The following LAMA4 variants were observed in gnomAD, a reference collection of about 807,000 sequenced individuals.
LAMA4 encodes the protein laminin subunit alpha-4.
LAMA4 carries 127 observed loss-of-function variants against 207.1 expected under a neutral mutation model. The observed-to-expected ratio is 0.61, with a 90% CI of 0.53 to 0.71. The LOEUF (loss-of-function observed/expected upper bound fraction) is 0.71. Among genes scored for constraint, LAMA4 ranks in the 30% least tolerant of loss-of-function variants. The pLI is 0.00. For synonymous variants in LAMA4, 761 were observed against 816.0 expected (o/e 0.93, Z 1.15); for missense variants, 2,093 against 2,246.5 (o/e 0.93, Z 1.38).
intron 4 of LAMA4, among the ~76,000 whole-genome samples, chr6:112,204,869 C>T (rs1039352074): frequency 1.3e-5 from 2 of 152,166 alleles, no homozygotes; most frequent in Admixed American, 1.3e-4. Flanking sequence ...GGCAGTTTAA[C>T]AGTTTCTGAA....
At position 112,109,371 on chromosome 6, in the gene LAMA4, G is replaced by A. The variant is rs1296037770; in HGVS notation, c.*66C>T. ...CGAAGGAAGAGTTACTGTTCCTCCT[G>A]GCTGGCTTTGTGTTTCTTTCAGTGC... is the stretch of plus-strand genomic sequence containing the variant. On this transcript the variant is annotated 3_prime_UTR_variant, in exon 39 of 39. Coordinates refer to ENST00000230538, the MANE Select transcript of LAMA4 (RefSeq NM_001105206.3). 6.3e-7 allele frequency: 1 copy of A among 1,577,430 alleles called. No homozygotes were observed. Among genetic ancestry groups the A allele is most frequent in the African/African-American group, 1.3e-5 (1 of 74,136 alleles).
chr6:112,190,976 CTTT>C (rs1783079524), intron 6 of LAMA4, among the ~76,000 whole-genome samples: 1 of 129,922 alleles, frequency 7.7e-6, no homozygotes, highest in East Asian at 2.2e-4. Flanking sequence ...TTCTTTCTTT[CTTT>C]CTTTCTTTCC....
intron 11 of LAMA4, among the ~76,000 whole-genome samples, chr6:112,174,078 C>A (rs2114874174): frequency 6.6e-6 from 1 of 152,310 alleles, no homozygotes; most frequent in South Asian, 2.1e-4. Flanking sequence ...ATATAATATG[C>A]AAATCTGTGA....
chr6:112,189,713 C>T (rs553199101), intron 6 of LAMA4, among the ~76,000 whole-genome samples: 63 of 152,284 alleles, frequency 4.1e-4, no homozygotes, highest in African/African-American at 1.2e-3. Flanking sequence ...GCGCTTGACC[C>T]TTGGCAAGAC....
intron 9 of LAMA4, among the ~76,000 whole-genome samples, chr6:112,183,340 G>C (rs782463798): frequency 6.6e-6 from 1 of 152,104 alleles, no homozygotes; most frequent in Non-Finnish European, 1.5e-5. Context: ...GTTTCAGCAG[G>C]TTTTTGCACC....
chr6:112,240,107 C>T (rs187682283), intron 2 of LAMA4, among the ~76,000 whole-genome samples: 116 of 152,200 alleles, frequency 7.6e-4, no homozygotes, highest in African/African-American at 2.6e-3. Flanking sequence ...TGTTAAATTT[C>T]CTTTCTTTTT....
In LAMA4 at chr6:112,134,624, A is replaced by G. The variant is rs372969359; in HGVS notation, c.3415-15T>C. 8.2e-6 allele frequency: 13 copies of G among 1,588,330 alleles called. No homozygotes were observed. The African/African-American group carries it at 1.2e-4, about 15-fold the overall frequency. On this transcript the variant is annotated splice_polypyrimidine_tract_variant and intron_variant, in intron 25 of 38. Coordinates refer to ENST00000230538, the MANE Select transcript of LAMA4 (RefSeq NM_001105206.3). ...ATGATTGAGATCTGGGAGAGATAATATATAGTAAGCCTTGATTAACTATTT... is the reference window on the plus strand; with the variant it reads ...ATGATTGAGATCTGGGAGAGATAATGTATAGTAAGCCTTGATTAACTATTT...
At chr6:112,123,452 T>C (rs1778493705) in intron 31 of LAMA4, among the ~76,000 whole-genome samples, 1 of 150,998 alleles carries the variant, frequency 6.6e-6, no homozygotes. Flanking sequence ...TCTAGGAGGG[T>C]TTTTACTGGC....
chr6:112,119,501 A>G (rs1334342365), intron 33 of LAMA4, among the ~76,000 whole-genome samples, 190 bp from the exon 34 acceptor site: 2 of 152,164 alleles, frequency 1.3e-5, no homozygotes, highest in African/African-American at 4.8e-5. Flanking sequence ...CTGGCAATGC[A>G]GTTTTTGGAA....
chr6:112,233,860 AG>A (rs1486069047), intron 2 of LAMA4, among the ~76,000 whole-genome samples: 2 of 152,208 alleles, frequency 1.3e-5, no homozygotes, highest in Non-Finnish European at 2.9e-5. Context: ...TTTCTTTGGA[AG>A]GATTAGTTTA....
intron 23 of LAMA4, among the ~76,000 whole-genome samples, chr6:112,139,494 C>A (rs1158625272): frequency 6.6e-6 from 1 of 152,128 alleles, no homozygotes; most frequent in African/African-American, 2.4e-5. Flanking sequence ...TGTGCTAAGA[C>A]AACTGAAGTC....
In LAMA4 at chr6:112,200,496, C is replaced by T. The variant is rs540619410; in HGVS notation, c.503+1112G>A. Among the ~76,000 whole-genome samples, 11 of 152,230 alleles carry T rather than the reference C, an allele frequency of 7.2e-5. No individual in the cohort carries two copies. The South Asian group carries it at 2.3e-3, about 32-fold the overall frequency. On this transcript the variant is annotated intron_variant, in intron 5 of 38. Transcript: ENST00000230538. The stretch of plus-strand genomic sequence containing the variant: ...TGGTGATTCCTCAAGGATCTAGAAC[C>T]AGAATTACCATTTGACCCAGCAATC...
chr6:112,188,166 C>G (rs1275937930), intron 7 of LAMA4, among the ~76,000 whole-genome samples: 1 of 152,178 alleles, frequency 6.6e-6, no homozygotes, highest in Non-Finnish European at 1.5e-5. Flanking sequence ...GTGCCTGTTC[C>G]CGATCTCTTT....
intron 17 of LAMA4, 74 bp from the exon 18 acceptor site, chr6:112,148,410 A>C: frequency 6.7e-7 from 1 of 1,497,712 alleles, no homozygotes; most frequent in Non-Finnish European, 9.3e-7. Flanking sequence ...ACACCCCTTT[A>C]ACCCTTGAAT....
chr6:112,140,789 A>G lies in LAMA4; in HGVS notation c.2947T>C (p.Tyr983His). The change falls in exon 22 of 39, where the codon TAT becomes CAT. Residue 983 changes from tyrosine to histidine, a missense_variant. Physicochemically the swap from Tyr to His is moderately conservative, Grantham distance 83. Transcript: ENST00000230538. Reference sequence around the variant, plus strand: ...AAGTTGGAAGGCACTCCACCAACATAAAACACTGTGTCCTCAGGGTCCAGG... The same window carrying G: ...AAGTTGGAAGGCACTCCACCAACATGAAACACTGTGTCCTCAGGGTCCAGG... ...LDLDPEDTVF[Y>H]VGGVPSNFKL... 6.2e-7 allele frequency: 1 copy of G among 1,614,070 alleles called. No homozygotes were observed. The highest frequency in any genetic ancestry group is 8.5e-7 in the Non-Finnish European group (1 of 1,179,966).
At position 112,108,858 on chromosome 6, in the gene LAMA4, C is replaced by T. The variant is rs1259093672; in HGVS notation, c.*579G>A. On this transcript the variant is annotated 3_prime_UTR_variant, in exon 39 of 39. Coordinates refer to ENST00000230538, the MANE Select transcript of LAMA4 (RefSeq NM_001105206.3). ...ATTTAGAAAAAATTAAATTATACTGCATTTTTCTAGTATTCTGTTAGAAAT... is the reference window on the plus strand; with the variant it reads ...ATTTAGAAAAAATTAAATTATACTGTATTTTTCTAGTATTCTGTTAGAAAT... 6 of 152,468 alleles carry T rather than the reference C, an allele frequency of 3.9e-5. No individual in the cohort carries two copies. The highest frequency in any genetic ancestry group is 1.4e-4 in the African/African-American group (6 of 41,414). 9.4% of individuals were successfully genotyped at this position (152,468 alleles called of 1,614,324 possible). A position where few individuals can be genotyped will look rare whatever the true frequency, so the allele number is the denominator to read the frequency against.
chr6:112,150,629 T>A lies in LAMA4; in HGVS notation c.2057-2A>T, dbSNP rs1780342227. ...TGTCAGCCACTGCTTCATCACTGCC[T>A]GTGGAAGAGCAGCAGAAAGAAGTAC... On this transcript the variant is annotated splice_acceptor_variant, in intron 16 of 38. Coordinates refer to ENST00000230538, the MANE Select transcript of LAMA4 (RefSeq NM_001105206.3). LOFTEE classifies it high-confidence loss of function. The A allele has an allele frequency of 8.7e-6, 14 of 1,609,162 alleles. No individual in the cohort carries two copies. The highest frequency in any genetic ancestry group is 1.2e-5 in the Non-Finnish European group (14 of 1,175,560).
At chr6:112,150,202 G>GACACACAC (rs68144829) in intron 17 of LAMA4, among the ~76,000 whole-genome samples, 2,026 of 143,308 alleles carry the variant, frequency 0.014, 12 homozygotes, top group Middle Eastern at 0.022. Context: ...CCCATTAAAA[G>GACACACAC]ACACACACAC....
At chr6:112,200,764 T>C (rs1459085438) in intron 5 of LAMA4, among the ~76,000 whole-genome samples, 19 of 152,130 alleles carry the variant, frequency 1.2e-4, no homozygotes, top group African/African-American at 4.3e-4. Flanking sequence ...CCGTCATTCT[T>C]AACAAACTAA....
Sources: gnomAD v4.1 joint callset for allele counts (sites outside exome capture counted in the v4.1 genomes callset) on GRCh38, gnomAD v4.1.1 for gene constraint, MANE v1.5 for transcripts, NCBI Gene and HGNC (gene_info 2026-07-23, HGNC 2026-07-21) for gene names.